CMKLR1: variants seen among roughly 807,000 people sequenced by gnomAD.
CMKLR1 encodes chemerin chemokine-like receptor 1.
Under a neutral mutation model 8.2 loss-of-function variants are expected in CMKLR1, and 6 were observed. The observed-to-expected ratio is 0.73, with a 90% CI of 0.40 to 1.44. The LOEUF is 1.44. Among genes scored for constraint, CMKLR1 ranks in the 40% most tolerant of loss-of-function variants. The pLI, the probability that CMKLR1 is intolerant of heterozygous loss-of-function variation, is 0.02. For synonymous variants in CMKLR1, 178 were observed against 181.2 expected, an observed-to-expected ratio of 0.98 and a Z score of 0.14; for missense variants, 429 against 478.0, an observed-to-expected ratio of 0.90 and a Z score of 0.96.
intron 2 of CMKLR1, among the ~76,000 whole-genome samples, chr12:108,301,694 G>A (rs555177057): frequency 3.0e-4 from 45 of 152,324 alleles, no homozygotes; most frequent in African/African-American, 8.9e-4. Flanking sequence ...CAAAGGGGGT[G>A]TATCCTTCCC....
chr12:108,313,572 A>T (rs1891640381), intron 2 of CMKLR1, among the ~76,000 whole-genome samples: 1 of 152,202 alleles, frequency 6.6e-6, no homozygotes, highest in Admixed American at 6.5e-5. Context: ...TAGGGTGCAT[A>T]GGGTGACCAG....
chr12:108,307,295 G>T (rs1288120399), intron 2 of CMKLR1, among the ~76,000 whole-genome samples: 1 of 152,180 alleles, frequency 6.6e-6, no homozygotes, highest in Admixed American at 6.5e-5. Flanking sequence ...CACGCACTTG[G>T]TGTGCTGTTC....
chr12:108,338,842 G>C (rs1566033514), intron 1 of CMKLR1, among the ~76,000 whole-genome samples, 185 bp downstream of exon 1: 1 of 152,220 alleles, frequency 6.6e-6, no homozygotes. Flanking sequence ...ATATTTAGTT[G>C]TGTATCCTTG....
intron 2 of CMKLR1, among the ~76,000 whole-genome samples, chr12:108,305,866 A>G (rs1475078375): frequency 6.6e-6 from 1 of 152,160 alleles, no homozygotes; most frequent in East Asian, 1.9e-4. Context: ...TTAGGACTCC[A>G]TAAGAATGGG....
Position 108,292,873 on chromosome 12 carries a change from G to A in CMKLR1, c.90C>T (p.Asp30=). The change falls in exon 4 of 4, where the codon GAC becomes GAT. Residue 30 remains aspartate, a synonymous_variant. Coordinates refer to ENST00000550402, the MANE Select transcript of CMKLR1 (RefSeq NM_001142343.2). ...DYLDSIVVLE[D]LSPLEARVTR... ...TCACCCTGGCTTCCAAGGGGGATAAGTCCTCCAAAACCACAATGGAGTCTA... is the reference window on the plus strand; with the variant it reads ...TCACCCTGGCTTCCAAGGGGGATAAATCCTCCAAAACCACAATGGAGTCTA... The A allele has an allele frequency of 6.2e-7, 1 of 1,614,112 alleles. No homozygotes were observed. Among genetic ancestry groups the A allele is most frequent in the Non-Finnish European group, 8.5e-7 (1 of 1,180,010 alleles).
chr12:108,327,021 C>T (rs576046124), intron 2 of CMKLR1, among the ~76,000 whole-genome samples: 1 of 152,144 alleles, frequency 6.6e-6, no homozygotes, highest in Non-Finnish European at 1.5e-5. Flanking sequence ...GAGAGAGAAA[C>T]TGATCCAGGA....
chr12:108,316,383 T>C (rs749917735), intron 2 of CMKLR1, among the ~76,000 whole-genome samples: 3 of 151,608 alleles, frequency 2.0e-5, no homozygotes, highest in Non-Finnish European at 4.4e-5. Context: ...CTCCTCAACG[T>C]AGACAGAAAG....
chr12:108,302,989 C>T (rs115926559), intron 2 of CMKLR1, among the ~76,000 whole-genome samples: 2,627 of 152,200 alleles, frequency 0.017, 74 homozygotes, highest in African/African-American at 0.059. Context: ...CCAGGAAACC[C>T]CAAAACAAAC....
At chr12:108,333,762 C>T (rs1171361368) in intron 1 of CMKLR1, among the ~76,000 whole-genome samples, 1 of 152,252 alleles carries the variant, frequency 6.6e-6, no homozygotes, top group Non-Finnish European at 1.5e-5. Flanking sequence ...CAGACGTCAA[C>T]ATTTCTTTCT....
chr12:108,293,294 A>G (rs913933697), intron 3 of CMKLR1, among the ~76,000 whole-genome samples: 1 of 152,168 alleles, frequency 6.6e-6, no homozygotes, highest in Admixed American at 6.5e-5. Context: ...CAGACCTGTG[A>G]TTTGAATCCA....
At chr12:108,308,193 A>G (rs1424285357) in intron 2 of CMKLR1, among the ~76,000 whole-genome samples, 1 of 152,178 alleles carries the variant, frequency 6.6e-6, no homozygotes, top group African/African-American at 2.4e-5. Context: ...TCTGAGCCTC[A>G]GGAGCCTCAT....
chr12:108,323,023 T>G (rs920377512), intron 2 of CMKLR1, among the ~76,000 whole-genome samples: 2 of 152,178 alleles, frequency 1.3e-5, no homozygotes, highest in Non-Finnish European at 2.9e-5. Context: ...AGCCAGACAG[T>G]GCCCACCTGA....
intron 2 of CMKLR1, 93 bp from the exon 3 acceptor site, chr12:108,293,757 G>T: frequency 1.5e-6 from 1 of 687,308 alleles, no homozygotes; most frequent in East Asian, 2.7e-5. Context: ...AAGATCTGTT[G>T]TTCTTATTCC....
chr12:108,326,127 T>C (rs1177822263), intron 2 of CMKLR1, among the ~76,000 whole-genome samples: 2 of 152,132 alleles, frequency 1.3e-5, no homozygotes, highest in Non-Finnish European at 2.9e-5. Context: ...GGCCATTCTG[T>C]CTACAAGAAA....
In CMKLR1 at chr12:108,288,068, G is replaced by A. The variant is rs1890852414; in HGVS notation, c.*3773C>T. The A allele has an allele frequency of 6.6e-6, 1 of 152,158 alleles. No individual in the cohort carries two copies. Among genetic ancestry groups the A allele is most frequent in the Non-Finnish European group, 1.5e-5 (1 of 68,030 alleles). The allele number at this position is 152,158 out of a possible 1,614,324, so 9.4% of individuals were successfully genotyped here. A position where few individuals can be genotyped will look rare whatever the true frequency, so the allele number is the denominator to read the frequency against. On this transcript the variant is annotated 3_prime_UTR_variant, in exon 4 of 4. Transcript: ENST00000550402. ...CTCTTGCTTCAGTCTCTTTATTCGA[G>A]AGAAACTTTGTCCTCAAAGGGAAGA...
chr12:108,313,452 A>G (rs1355731915), intron 2 of CMKLR1, among the ~76,000 whole-genome samples: 1 of 152,184 alleles, frequency 6.6e-6, no homozygotes, highest in Non-Finnish European at 1.5e-5. Flanking sequence ...GCAAATCCAC[A>G]TGTGAATCCC....
chr12:108,319,123 G>GC (rs1440395881), intron 2 of CMKLR1, among the ~76,000 whole-genome samples: 2 of 152,172 alleles, frequency 1.3e-5, no homozygotes, highest in Non-Finnish European at 2.9e-5. Context: ...TGGCCTCCAT[G>GC]CCCTTTGCCA....
Position 108,330,221 on chromosome 12 carries a change from G to A in CMKLR1, c.-286-14C>T, listed in dbSNP as rs937596073. On this transcript the variant is annotated splice_polypyrimidine_tract_variant and intron_variant, in intron 1 of 3. Transcript: ENST00000550402. ...TGGAGAGATGGGCTACAGAGAGAGAGAAAGAGAGAAACAGAGCACACAAGT... is the reference window on the plus strand; with the variant it reads ...TGGAGAGATGGGCTACAGAGAGAGAAAAAGAGAGAAACAGAGCACACAAGT... 12 of 152,168 alleles carry A rather than the reference G, an allele frequency of 7.9e-5. No individual in the cohort carries two copies. The highest frequency in any genetic ancestry group is 2.4e-4 in the African/African-American group (10 of 41,414). 9.4% of individuals were successfully genotyped at this position (152,168 alleles called of 1,614,324 possible). A position where few individuals can be genotyped will look rare whatever the true frequency, so the allele number is the denominator to read the frequency against.
intron 2 of CMKLR1, among the ~76,000 whole-genome samples, chr12:108,326,864 CT>C (rs1247038989): frequency 6.6e-6 from 1 of 152,192 alleles, no homozygotes; most frequent in Non-Finnish European, 1.5e-5. Flanking sequence ...CAGCATGCTT[CT>C]TTTACAAGGG....
Sources: gnomAD v4.1 joint callset for allele counts (sites outside exome capture counted in the v4.1 genomes callset) on GRCh38, gnomAD v4.1.1 for gene constraint, MANE v1.5 for transcripts, NCBI Gene and HGNC (gene_info 2026-07-23, HGNC 2026-07-21) for gene names.